MAMLD1: variants seen among roughly 807,000 people sequenced by gnomAD.
MAMLD1 encodes mastermind like domain containing 1, also known as mastermind-like domain-containing protein 1.
MAMLD1 carries 14 observed loss-of-function variants against 45.0 expected under a neutral mutation model. That is an observed-to-expected ratio of 0.31 (90% CI 0.21 to 0.49). MAMLD1 has a LOEUF of 0.49. Ranked by LOEUF, MAMLD1 falls within the 20% of genes least tolerant of loss-of-function variation. The pLI, the probability that MAMLD1 is intolerant of heterozygous loss-of-function variation, is 0.99. For missense variants in MAMLD1, 543 were observed against 603.6 expected (o/e 0.90, Z 1.05); for synonymous variants, 254 against 247.8 (o/e 1.02, Z -0.24).
chrX:150,381,889 A>G (rs2032626273), intron 1 of MAMLD1, among the ~76,000 whole-genome samples: 1 of 109,731 alleles, frequency 9.1e-6, no homozygotes, highest in African/African-American at 3.3e-5. Flanking sequence ...CTTTTTTTTC[A>G]CTGTTGAGTT....
intron 2 of MAMLD1, among the ~76,000 whole-genome samples, chrX:150,457,290 C>A (rs2035898238): frequency 8.9e-6 from 1 of 112,274 alleles, no homozygotes; most frequent in Admixed American, 9.4e-5. Context: ...TCTAAGGAAG[C>A]TGCAGAGATT....
intron 4 of MAMLD1, 124 bp from the exon 5 acceptor site, chrX:150,473,556 G>A (rs1210987351): frequency 3.2e-6 from 2 of 630,579 alleles, no homozygotes; most frequent in East Asian, 3.2e-5. Flanking sequence ...GGCAAGCAGA[G>A]CTCCCATGGG....
intron 1 of MAMLD1, among the ~76,000 whole-genome samples, chrX:150,393,506 T>C (rs2033276098): frequency 8.9e-6 from 1 of 112,374 alleles, no homozygotes; most frequent in African/African-American, 3.2e-5. Context: ...TGTTTCGTTT[T>C]GTAAGAATGC....
intron 1 of MAMLD1, among the ~76,000 whole-genome samples, chrX:150,378,543 T>C (rs1047201696): frequency 1.8e-4 from 20 of 111,989 alleles, no homozygotes; most frequent in African/African-American, 5.5e-4. Context: ...TTATTGATGG[T>C]CTGTGCCTGG....
intron 2 of MAMLD1, among the ~76,000 whole-genome samples, chrX:150,455,795 G>A (rs1489310523): frequency 1.5e-5 from 1 of 68,738 alleles, no homozygotes; most frequent in Non-Finnish European, 2.9e-5. Context: ...TTTTTTTTTT[G>A]TATAATCAGA....
chrX:150,468,436 G>A (rs1432084954), intron 3 of MAMLD1, among the ~76,000 whole-genome samples: 6 of 111,343 alleles, frequency 5.4e-5, no homozygotes, highest in African/African-American at 1.6e-4. Flanking sequence ...GGGGGGTACC[G>A]GGTGGGGGAA....
At chrX:150,494,628 C>T (rs2148344335) in intron 5 of MAMLD1, among the ~76,000 whole-genome samples, 1 of 111,874 alleles carries the variant, frequency 8.9e-6, no homozygotes, top group South Asian at 3.8e-4. Context: ...CACCTGTAAT[C>T]CCAGCACTTT....
intron 3 of MAMLD1, among the ~76,000 whole-genome samples, chrX:150,463,607 G>A (rs190233763): frequency 8.9e-6 from 1 of 112,236 alleles, no homozygotes; most frequent in East Asian, 2.8e-4. Context: ...AAAGGAGAAA[G>A]TAGTTCTAGA....
rs1295813434 is a variant in MAMLD1 at position 150,511,277 on chromosome X, C to T, written c.*45-727C>T. On this transcript the variant is annotated intron_variant, in intron 7 of 7. Transcript: ENST00000370401. Reference sequence around the variant, plus strand: ...TGACAATGAGGGGAGATGTATTCCCCATCTTAGGCACCTGGGACTCTACCT... The same window carrying T: ...TGACAATGAGGGGAGATGTATTCCCTATCTTAGGCACCTGGGACTCTACCT... Among the ~76,000 whole-genome samples the T allele has an allele frequency of 5.4e-5, 6 of 111,451 alleles. No homozygotes were observed. The East Asian group carries it at 1.7e-3, about 31-fold the overall frequency.
At chrX:150,423,325 C>T (rs1557403637) in intron 1 of MAMLD1, among the ~76,000 whole-genome samples, 3 of 102,829 alleles carry the variant, frequency 2.9e-5, no homozygotes. Flanking sequence ...AAAATCATTT[C>T]CAGGGGGGAA....
At chrX:150,402,998 C>G (rs903092960) in intron 1 of MAMLD1, among the ~76,000 whole-genome samples, 1 of 110,005 alleles carries the variant, frequency 9.1e-6, no homozygotes, top group Admixed American at 9.7e-5. Context: ...GTGCAGCACA[C>G]CAGCACGGCA....
intron 2 of MAMLD1, among the ~76,000 whole-genome samples, chrX:150,446,907 C>T (rs1487458135): frequency 1.8e-5 from 2 of 112,974 alleles, no homozygotes; most frequent in Non-Finnish European, 3.7e-5. Context: ...TTATTTCCCA[C>T]TTGTTTCCAT....
chrX:150,394,768 T>C (rs2124502226), intron 1 of MAMLD1, among the ~76,000 whole-genome samples: 1 of 111,914 alleles, frequency 8.9e-6, no homozygotes, highest in East Asian at 2.8e-4. Context: ...AAGAATGTGA[T>C]TGACCTTGTG....
chrX:150,398,246 G>GAGAAAGAGAAGAAGAAGA (rs1569564542), intron 1 of MAMLD1, among the ~76,000 whole-genome samples: 1 of 70,084 alleles, frequency 1.4e-5, no homozygotes, highest in Non-Finnish European at 2.8e-5. Flanking sequence ...GGAGAAGGAG[G>GAGAAAGAGAAGAAGAAGA]AGAAGGAGAA....
At chrX:150,425,861 A>G (rs1424158275) in intron 1 of MAMLD1, among the ~76,000 whole-genome samples, 1 of 112,416 alleles carries the variant, frequency 8.9e-6, no homozygotes, top group African/African-American at 3.2e-5. Flanking sequence ...GGAGCGAGCC[A>G]GTGAAATGCT....
Position 150,368,064 on chromosome X carries a change from G to T in MAMLD1, c.-64+4534G>T, listed in dbSNP as rs201041836. ...TAGCAGCATGATTTATAATCCTTTGGGTATATACCCAGTAATGGGATGGCT... is the reference window on the plus strand; with the variant it reads ...TAGCAGCATGATTTATAATCCTTTGTGTATATACCCAGTAATGGGATGGCT... On this transcript the variant is annotated intron_variant, in intron 1 of 7. Coordinates refer to ENST00000370401, the MANE Select transcript of MAMLD1 (RefSeq NM_005491.5). Among the ~76,000 whole-genome samples the T allele has an allele frequency of 9.4e-3, 1,045 of 111,083 alleles. 5 individuals are homozygous for T. Among genetic ancestry groups the T allele is most frequent in the East Asian group, 0.049 (172 of 3,524 alleles).
chrX:150,427,399 T>C (rs2034745594), intron 1 of MAMLD1, among the ~76,000 whole-genome samples: 1 of 112,488 alleles, frequency 8.9e-6, no homozygotes, highest in Admixed American at 9.4e-5. Flanking sequence ...GCAGGAGTTC[T>C]TTTGGCTTTT....
intron 1 of MAMLD1, among the ~76,000 whole-genome samples, chrX:150,412,299 C>A (rs1484063263): frequency 9.0e-6 from 1 of 110,941 alleles, no homozygotes; most frequent in African/African-American, 3.3e-5. Flanking sequence ...GAAGCTCTCC[C>A]CAGTCTTCCT....
chrX:150,500,075 C>T (rs1220758766), intron 5 of MAMLD1, among the ~76,000 whole-genome samples: 1 of 112,393 alleles, frequency 8.9e-6, no homozygotes, highest in African/African-American at 3.2e-5. Flanking sequence ...GGGCTAGATA[C>T]TGTCGGGGCA....
Sources: gnomAD v4.1 joint callset for allele counts (sites outside exome capture counted in the v4.1 genomes callset) on GRCh38, gnomAD v4.1.1 for gene constraint, MANE v1.5 for transcripts, NCBI Gene and HGNC (gene_info 2026-07-23, HGNC 2026-07-21) for gene names.